Variants in ANKRD36C observed in about 807,000 individuals in gnomAD.
ANKRD36C encodes ankyrin repeat domain 36C, also known as ankyrin repeat domain-containing protein 36C.
In ANKRD36C, 61 loss-of-function variants were observed where a neutral mutation model predicts 276.4. The ratio of observed to expected loss-of-function variants is 0.22; its 90% CI spans 0.18 to 0.27. The LOEUF is 0.27. Among genes scored for constraint, ANKRD36C ranks in the 10% least tolerant of loss-of-function variants. The pLI, the probability that ANKRD36C is intolerant of heterozygous loss-of-function variation, is 1.00. For synonymous variants in ANKRD36C, 483 were observed against 680.1 expected, an observed-to-expected ratio of 0.71 and a Z score of 4.51; for missense variants, 1,447 against 2,032.3, an observed-to-expected ratio of 0.71 and a Z score of 5.54.
At chr2:95,912,304 C>T in exon 42 of ANKRD36C, 1 of 1,577,496 alleles carries the variant, frequency 6.3e-7, no homozygotes. Flanking sequence ...GAATCTTTCT[C>T]ATCACTTGTA....
downstream of ANKRD36C, among the ~76,000 whole-genome samples, chr2:95,850,888 TA>T (rs914110881): frequency 6.6e-6 from 1 of 152,180 alleles, no homozygotes; most frequent in African/African-American, 2.4e-5. Flanking sequence ...GATAGTTCTA[TA>T]GGGGTGGCAG....
intron 19 of ANKRD36C, among the ~76,000 whole-genome samples, chr2:95,941,757 T>C (rs947376925): frequency 0.02 from 2,494 of 121,950 alleles, no homozygotes; most frequent in African/African-American, 0.038. Flanking sequence ...ATGAGTTAGA[T>C]CAAAGTAAAC....
chr2:95,869,700 A>C (rs1675759380), intron 59 of ANKRD36C, among the ~76,000 whole-genome samples: 1 of 152,208 alleles, frequency 6.6e-6, no homozygotes, highest in African/African-American at 2.4e-5. Context: ...GACCCAAAGG[A>C]GGGTGAGGCA....
chr2:95,987,788 AT>A (rs950141253), intron 1 of ANKRD36C, among the ~76,000 whole-genome samples: 6 of 151,946 alleles, frequency 3.9e-5, no homozygotes. Flanking sequence ...CGCCCGGCTA[AT>A]TTTTACAAAG....
rs1430032582 is a variant in ANKRD36C, at chr2:95,950,096, C to G, written c.1295+653G>C. On this transcript the variant is annotated intron_variant, in intron 16 of 66. Transcript: ENST00000456556. ...AAGTGGAGAAATGAATTAGAAATAT[C>G]CTTTTAATATATGCTAAATATAGTT... Among the ~76,000 whole-genome samples, 3 of 152,368 alleles carry G rather than the reference C, an allele frequency of 2.0e-5. No homozygotes were observed. The East Asian group carries it at 5.8e-4, about 29-fold the overall frequency.
At chr2:95,856,072 C>T in exon 63 of ANKRD36C, 1 of 1,596,384 alleles carries the variant, frequency 6.3e-7, no homozygotes, top group Non-Finnish European at 8.5e-7. Flanking sequence ...TATTTCTTTT[C>T]CAGGTTTTGG....
intron 44 of ANKRD36C, among the ~76,000 whole-genome samples, chr2:95,898,127 A>C (rs376599538): frequency 4.0e-5 from 6 of 149,454 alleles, no homozygotes; most frequent in African/African-American, 1.5e-4. Flanking sequence ...AGTCGTGGCA[A>C]CAAAGGATAA....
intron 24 of ANKRD36C, among the ~76,000 whole-genome samples, chr2:95,931,780 G>A (rs1190814763): frequency 6.8e-6 from 1 of 147,960 alleles, no homozygotes; most frequent in African/African-American, 2.5e-5. Context: ...ATATGGAACA[G>A]AAACATTTTC....
At chr2:95,956,944 A>C (rs1203034999) in intron 12 of ANKRD36C, 128 bp from the exon 13 acceptor site, 2 of 848,466 alleles carry the variant, frequency 2.4e-6, no homozygotes, top group African/African-American at 3.4e-5. Flanking sequence ...CAGAAATATC[A>C]CTTGAGAAGC....
At chr2:95,893,789 T>A in intron 44 of ANKRD36C, 65 bp from the exon 63 acceptor site, 1 of 1,600,088 alleles carries the variant, frequency 6.2e-7, no homozygotes, top group Non-Finnish European at 8.5e-7. Context: ...CATAGATTCA[T>A]GCAGAGTTAG....
At chr2:95,865,478 G>A (rs532438225) in intron 60 of ANKRD36C, among the ~76,000 whole-genome samples, 1 of 152,020 alleles carries the variant, frequency 6.6e-6, no homozygotes, top group East Asian at 1.9e-4. Context: ...TGTGCCATAG[G>A]TACAGGCTGA....
At chr2:95,941,577 T>A (rs1396769652) in intron 19 of ANKRD36C, among the ~76,000 whole-genome samples, 2 of 151,830 alleles carry the variant, frequency 1.3e-5, no homozygotes, top group Non-Finnish European at 1.5e-5. Flanking sequence ...TGCAAAAAAA[T>A]GAAACAGCAT....
intron 42 of ANKRD36C, 80 bp downstream of exon 52, chr2:95,904,680 GC>G (rs1676746784): frequency 3.8e-5 from 1 of 26,310 alleles, no homozygotes; most frequent in Non-Finnish European, 7.6e-5. Flanking sequence ...GCTTCGACGA[GC>G]CCCCCGCTGA....
At position 95,974,850 on chromosome 2, in the gene ANKRD36C, G is replaced by A. The variant is rs189799830; in HGVS notation, c.799+3272C>T. Among the ~76,000 whole-genome samples, 667 of 128,368 alleles carry A rather than the reference G, an allele frequency of 5.2e-3. 4 individuals carry two copies. Among genetic ancestry groups the A allele is most frequent in the African/African-American group, 0.02 (643 of 32,642 alleles). The allele number at this position is 128,368 out of a possible 152,430, so 84.2% of individuals were successfully genotyped here. On this transcript the variant is annotated intron_variant, in intron 6 of 66. Coordinates refer to ENST00000456556, the Ensembl canonical transcript of ANKRD36C. ...CCTGGTGTGTGATGTTCCCCTTCCT[G>A]TGTCCATGTGTTCTCATTGTTCAAT...
chr2:95,865,043 A>G (rs1675658199), intron 60 of ANKRD36C, among the ~76,000 whole-genome samples: 1 of 152,058 alleles, frequency 6.6e-6, no homozygotes, highest in Admixed American at 6.6e-5. Flanking sequence ...AAAAATGTAT[A>G]TTTGGATTAG....
At chr2:95,927,922 A>G (rs1297984234) in intron 26 of ANKRD36C, among the ~76,000 whole-genome samples, 1 of 151,686 alleles carries the variant, frequency 6.6e-6, no homozygotes. Flanking sequence ...TCCTAAATTG[A>G]TCACCTTGGA....
chr2:95,916,611 CAATAACTGAGA>C (rs1677103925), intron 36 of ANKRD36C, among the ~76,000 whole-genome samples: 4 of 151,588 alleles, frequency 2.6e-5, no homozygotes, highest in Admixed American at 2.6e-4. Context: ...TTAACTTGCC[CAATAACTGAGA>C]AGGCACACAA....
chr2:95,888,613 G>C lies in ANKRD36C; in HGVS notation c.2960-493C>G, dbSNP rs564152841. 7.9e-5 allele frequency among the ~76,000 whole-genome samples: 12 copies of C among 151,790 alleles called. 1 individual carries two copies. In the South Asian group the frequency reaches 2.5e-3, roughly 31 times the overall value. On this transcript the variant is annotated intron_variant, in intron 48 of 66. Coordinates refer to ENST00000456556, the Ensembl canonical transcript of ANKRD36C. Reference sequence around the variant, plus strand: ...TATTACAGTTGAATGTACACTTTACGTCTCTTCAGTGGAAGTGTCCTAAAT... The same window carrying C: ...TATTACAGTTGAATGTACACTTTACCTCTCTTCAGTGGAAGTGTCCTAAAT...
In ANKRD36C at chr2:95,862,673, C is replaced by T. The variant is rs182472659; in HGVS notation, c.3683-2599G>A. Among the ~76,000 whole-genome samples, 159 of 151,494 alleles carry T rather than the reference C, an allele frequency of 1.0e-3. 1 individual carries two copies. Among genetic ancestry groups the T allele is most frequent in the Non-Finnish European group, 2.0e-3 (137 of 67,902 alleles). ...CAAGCAGAGGAAAGGAAATAATAAA[C>T]ATCTGCTGTGGTCTGAATGTTTGTC... On this transcript the variant is annotated intron_variant, in intron 60 of 66. Transcript: ENST00000456556.
Sources: gnomAD v4.1 joint callset for allele counts (sites outside exome capture counted in the v4.1 genomes callset) on GRCh38, gnomAD v4.1.1 for gene constraint, MANE v1.5 for transcripts, NCBI Gene and HGNC (gene_info 2026-07-23, HGNC 2026-07-21) for gene names.